Variants in ITGAM observed in about 807,000 individuals in gnomAD.
ITGAM encodes integrin subunit alpha M.
ITGAM carries 79 observed loss-of-function variants against 137.5 expected under a neutral mutation model. That is an observed-to-expected ratio of 0.57 (90% CI 0.48 to 0.69). ITGAM has a LOEUF of 0.69. ITGAM is among the 30% of genes least tolerant of loss of function. The pLI, the probability that ITGAM is intolerant of heterozygous loss-of-function variation, is 0.00. For synonymous variants in ITGAM, 583 were observed against 592.3 expected (o/e 0.98, Z 0.23); for missense variants, 1,343 against 1,483.5 (o/e 0.91, Z 1.56).
Position 31,265,411 on chromosome 16 carries a change from C to T in ITGAM, c.151C>T (p.Pro51Ser). The change falls in exon 3 of 30, where the codon CCC becomes TCC. Residue 51 changes from proline (P) to serine (S), a missense_variant. By Grantham distance (74) the Pro-to-Ser change is moderately conservative. Coordinates refer to ENST00000544665, the MANE Select transcript of ITGAM (RefSeq NM_000632.4). The part of the protein sequence containing the change: ...LQGSRVVVGA[P>S]QEIVAANQRG... ...TCCCCACAGGGTGGTGGTTGGAGCC[C>T]CCCAGGAGATAGTGGCTGCCAACCA... 1 of 1,605,052 alleles carries T rather than the reference C, an allele frequency of 6.2e-7. No homozygotes were observed. Among genetic ancestry groups the T allele is most frequent in the Non-Finnish European group, 8.5e-7 (1 of 1,175,748 alleles).
chr16:31,267,384 T>G (rs2079781377), intron 5 of ITGAM, among the ~76,000 whole-genome samples: 1 of 152,138 alleles, frequency 6.6e-6, no homozygotes, highest in Non-Finnish European at 1.5e-5. Context: ...AACAAAAGCT[T>G]CAGGCATGGA....
rs1596973451 is a variant in ITGAM, at chr16:31,269,055, G to A, written c.428-1899G>A. On this transcript the variant is annotated intron_variant, in intron 5 of 29. Coordinates refer to ENST00000544665, the MANE Select transcript of ITGAM (RefSeq NM_000632.4). ...GTCTCCTCGAGCATTTGGGGGCAGAGTTTTTGAGGATAACTTGGTAGGTCG... is the reference window on the plus strand; with the variant it reads ...GTCTCCTCGAGCATTTGGGGGCAGAATTTTTGAGGATAACTTGGTAGGTCG... Among the ~76,000 whole-genome samples the A allele has an allele frequency of 2.6e-5, 4 of 152,288 alleles. No individual in the cohort carries two copies. In the South Asian group the frequency reaches 8.3e-4, roughly 32 times the overall value.
At chr16:31,307,991 A>G (rs1257188799) in intron 14 of ITGAM, among the ~76,000 whole-genome samples, 1 of 152,060 alleles carries the variant, frequency 6.6e-6, no homozygotes, top group Admixed American at 6.6e-5. Flanking sequence ...CATCCCAGGG[A>G]TGAAGCCCAC....
At chr16:31,280,346 A>G (rs1300815551) in intron 12 of ITGAM, among the ~76,000 whole-genome samples, 1 of 152,092 alleles carries the variant, frequency 6.6e-6, no homozygotes, top group Non-Finnish European at 1.5e-5. Context: ...CATTTTCACG[A>G]TATTGATTCT....
intron 12 of ITGAM, among the ~76,000 whole-genome samples, chr16:31,289,919 T>C (rs1011476890): frequency 6.6e-6 from 1 of 151,620 alleles, no homozygotes; most frequent in African/African-American, 2.4e-5. Context: ...CTGTCGTTAC[T>C]AAAAATACAA....
At chr16:31,328,795 T>A (rs972200276) in intron 23 of ITGAM, among the ~76,000 whole-genome samples, 1 of 15,328 alleles carries the variant, frequency 6.5e-5, no homozygotes, top group African/African-American at 6.4e-4. Context: ...TTTGTGCATG[T>A]GTGTGTGTGA....
At chr16:31,311,845 T>G (rs1414458226) in intron 14 of ITGAM, among the ~76,000 whole-genome samples, 1 of 151,986 alleles carries the variant, frequency 6.6e-6, no homozygotes, top group Non-Finnish European at 1.5e-5. Flanking sequence ...CAAGTGTTTA[T>G]TGCGGCACTA....
At chr16:31,267,545 C>T (rs2079783104) in intron 5 of ITGAM, among the ~76,000 whole-genome samples, 1 of 152,216 alleles carries the variant, frequency 6.6e-6, no homozygotes, top group Non-Finnish European at 1.5e-5. Flanking sequence ...GGCAGTGACT[C>T]ACTCGTTTTA....
At chr16:31,309,535 C>G (rs1463567449) in intron 14 of ITGAM, among the ~76,000 whole-genome samples, 5 of 151,124 alleles carry the variant, frequency 3.3e-5, no homozygotes, top group Non-Finnish European at 7.4e-5. Context: ...TTATTTTGAG[C>G]CTATGTGTGT....
intron 14 of ITGAM, among the ~76,000 whole-genome samples, chr16:31,319,004 G>GT (rs1018693356): frequency 1.0e-4 from 15 of 148,240 alleles, no homozygotes; most frequent in Admixed American, 6.6e-4. Context: ...ACATATGTAT[G>GT]TTTTTTTCCA....
Position 31,265,452 on chromosome 16 carries a change from C to T in ITGAM, c.192C>T (p.Tyr64=), listed in dbSNP as rs373413258. 82 of 1,607,938 alleles carry T rather than the reference C, an allele frequency of 5.1e-5. No individual in the cohort carries two copies. In the African/African-American group the frequency reaches 8.3e-4, roughly 16 times the overall value. The change falls in exon 3 of 30, where the codon TAC becomes TAT. Residue 64 remains tyrosine (Y), a synonymous_variant. Coordinates refer to ENST00000544665, the MANE Select transcript of ITGAM (RefSeq NM_000632.4). ...IVAANQRGSL[Y]QCDYSTGSCE... is the part of the protein sequence containing the mutation. ...CTGCCAACCAAAGGGGCAGCCTCTA[C>T]CAGTGCGACTACAGCACAGGCTCAT...
intron 5 of ITGAM, 51 bp from the exon 6 acceptor site, chr16:31,270,903 A>G: frequency 7.4e-7 from 1 of 1,356,398 alleles, no homozygotes; most frequent in East Asian, 2.7e-5. Flanking sequence ...AAAAAAACCC[A>G]AAACACCAAG....
At chr16:31,312,596 T>C (rs2080346057) in intron 14 of ITGAM, among the ~76,000 whole-genome samples, 1 of 152,032 alleles carries the variant, frequency 6.6e-6, no homozygotes, top group African/African-American at 2.4e-5. Flanking sequence ...CTGGCTAATA[T>C]TTAAATTTCT....
intron 14 of ITGAM, among the ~76,000 whole-genome samples, chr16:31,316,338 C>T (rs1196751441): frequency 6.7e-6 from 1 of 149,678 alleles, no homozygotes; most frequent in Admixed American, 6.7e-5. Context: ...AGTGAGCCTA[C>T]ATCATGCCAC....
At chr16:31,266,646 G>A (rs913168284) in intron 5 of ITGAM, among the ~76,000 whole-genome samples, 4 of 151,798 alleles carry the variant, frequency 2.6e-5, no homozygotes, top group African/African-American at 9.7e-5. Context: ...GGAAGTTGAA[G>A]CTGCAGCAAG....
intron 14 of ITGAM, among the ~76,000 whole-genome samples, chr16:31,302,826 C>T (rs923679106): frequency 1.6e-4 from 25 of 151,790 alleles, no homozygotes; most frequent in Non-Finnish European, 2.6e-4. Flanking sequence ...TGAGCCACCG[C>T]GCCCAGCTTT....
At chr16:31,297,446 G>A in intron 12 of ITGAM, 68 bp from the exon 13 acceptor site, 9 of 1,600,872 alleles carry the variant, frequency 5.6e-6, no homozygotes, top group African/African-American at 1.3e-5. Context: ...CTTTTCTTCA[G>A]AGAGAGAAAA....
intron 14 of ITGAM, among the ~76,000 whole-genome samples, chr16:31,319,581 A>T (rs1405267142): frequency 6.6e-6 from 1 of 152,178 alleles, no homozygotes; most frequent in Non-Finnish European, 1.5e-5. Context: ...TCTTGTAGAT[A>T]GCATATAATT....
intron 8 of ITGAM, among the ~76,000 whole-genome samples, chr16:31,274,917 C>T (rs2079890029): frequency 6.6e-6 from 1 of 152,134 alleles, no homozygotes; most frequent in African/African-American, 2.4e-5. Flanking sequence ...CTGCACCTGG[C>T]CTATTTAAAA....
Sources: gnomAD v4.1 joint callset for allele counts (sites outside exome capture counted in the v4.1 genomes callset) on GRCh38, gnomAD v4.1.1 for gene constraint, MANE v1.5 for transcripts, NCBI Gene and HGNC (gene_info 2026-07-23, HGNC 2026-07-21) for gene names.